Variants in SATL1 observed in about 807,000 individuals in gnomAD.
SATL1 encodes the protein spermidine/spermine N(1)-acetyltransferase-like protein 1.
Under a neutral mutation model 51.8 loss-of-function variants are expected in SATL1, and 47 were observed. That is an observed-to-expected ratio of 0.91 (90% confidence interval 0.72 to 1.16). SATL1 has a LOEUF of 1.16. Among genes scored for constraint, SATL1 ranks in the 50% most tolerant of loss-of-function variants. The pLI is 0.00. For missense variants in SATL1, 520 were observed against 526.4 expected (o/e 0.99, Z 0.12); for synonymous variants, 176 against 182.4 (o/e 0.97, Z 0.28).
chrX:85,242,842 A>T (rs769061093), intron 1 of SATL1, among the ~76,000 whole-genome samples: 1 of 112,321 alleles, frequency 8.9e-6, no homozygotes, highest in Non-Finnish European at 1.9e-5. Flanking sequence ...CTTGGAAATT[A>T]TATCTCCTCA....
intron 2 of SATL1, among the ~76,000 whole-genome samples, chrX:85,138,198 A>G (rs140599577): frequency 1.3e-3 from 151 of 112,161 alleles, no homozygotes; most frequent in African/African-American, 4.6e-3. Flanking sequence ...GCCTTTTGGC[A>G]TGCTTTGTAA....
At chrX:85,217,301 C>A (rs867210556) in intron 2 of SATL1, among the ~76,000 whole-genome samples, 2 of 110,868 alleles carry the variant, frequency 1.8e-5, no homozygotes, top group Non-Finnish European at 3.8e-5. Context: ...AAAAGCAAAG[C>A]AATATTGGTA....
chrX:85,224,346 C>A lies in SATL1; in HGVS notation c.-434-20G>T, dbSNP rs1180234450. On this transcript the variant is annotated intron_variant, in intron 1 of 7. Transcript: ENST00000644105. ...CTGTATCTTAACAGATAAGCAAGAT[C>A]TTTATTTAACTTAATCACATATTTT... The A allele has an allele frequency of 1.8e-5, 2 of 111,103 alleles. No individual in the cohort carries two copies. Among genetic ancestry groups the A allele is most frequent in the Non-Finnish European group, 3.8e-5 (2 of 53,008 alleles). 9.2% of individuals were successfully genotyped at this position (111,103 alleles called of 1,213,427 possible).
At chrX:85,227,922 C>T (rs1928307366) in intron 1 of SATL1, among the ~76,000 whole-genome samples, 1 of 110,620 alleles carries the variant, frequency 9.0e-6, no homozygotes, top group African/African-American at 3.3e-5. Context: ...CTTTTAGAGG[C>T]ATATAATAAA....
At chrX:85,196,099 G>A (rs1039482050) in intron 2 of SATL1, among the ~76,000 whole-genome samples, 15 of 108,793 alleles carry the variant, frequency 1.4e-4, no homozygotes, top group Non-Finnish European at 2.5e-4. Context: ...AAATTGAGCC[G>A]GATACAAGAT....
intron 2 of SATL1, among the ~76,000 whole-genome samples, chrX:85,187,606 G>A (rs1238161756): frequency 8.9e-6 from 1 of 111,757 alleles, no homozygotes; most frequent in Admixed American, 9.5e-5. Flanking sequence ...TTCTGTTAAT[G>A]TAATATATCA....
chrX:85,227,890 G>T (rs1868323895), intron 1 of SATL1, among the ~76,000 whole-genome samples: 1 of 111,104 alleles, frequency 9.0e-6, no homozygotes, highest in African/African-American at 3.3e-5. Context: ...TGGTGATGTG[G>T]TTATATTTTT....
chrX:85,131,633 A>G (rs1223777391), intron 2 of SATL1, among the ~76,000 whole-genome samples: 1 of 111,638 alleles, frequency 9.0e-6, no homozygotes, highest in Non-Finnish European at 1.9e-5. Context: ...TAATTGGAGC[A>G]TTTAGCCCAT....
Position 85,185,995 on chromosome X carries a change from T to C in SATL1, c.-313+38210A>G, listed in dbSNP as rs747736077. ...AAGGCCCACGGCGAGTACCACCTGG[T>C]TACCACTGCTGGTTAAAAGGATTCT... On this transcript the variant is annotated intron_variant, in intron 2 of 7. Transcript: ENST00000644105. 2.2e-4 allele frequency among the ~76,000 whole-genome samples: 24 copies of C among 110,428 alleles called. No individual in the cohort carries two copies. The South Asian group carries it at 7.1e-3, about 33-fold the overall frequency.
At chrX:85,216,600 C>A (rs1439231480) in intron 2 of SATL1, among the ~76,000 whole-genome samples, 1 of 111,597 alleles carries the variant, frequency 9.0e-6, no homozygotes, top group African/African-American at 3.3e-5. Flanking sequence ...TGCTACAGGG[C>A]CCTCTGATAG....
chrX:85,110,991 CATAG>C lies in SATL1; in HGVS notation c.-312-1715_-312-1712del, dbSNP rs768664907. On this transcript the variant is annotated intron_variant, in intron 2 of 7. Coordinates refer to ENST00000644105, the MANE Select transcript of SATL1 (RefSeq NM_001367857.2). The stretch of plus-strand genomic sequence containing the variant: ...GATTGAGAGAGGTTAAGTAACTTGA[CATAG>C]GTCACACAGCTAAAAGTCCAGACAA... Among the ~76,000 whole-genome samples, 791 of 112,846 alleles carry C rather than the reference CATAG, an allele frequency of 7.0e-3. 3 individuals carry two copies. Among genetic ancestry groups the C allele is most frequent in the South Asian group, 9.8e-3 (27 of 2,756 alleles).
Position 85,108,720 on chromosome X carries a change from A to G in SATL1, c.249T>C (p.Gly83=). Residue 83 remains glycine (G), a synonymous_variant, in exon 3 of 8, where the codon GGT becomes GGC. Coordinates refer to ENST00000644105, the MANE Select transcript of SATL1 (RefSeq NM_001367857.2). The part of the protein sequence containing the change: ...DMKQPDTWQL[G]RSQPGMLQQE... ...GTTGCAGCATGCCTGGTTGGCTCCT[A>G]CCTAATTGCCATGTGTCTGGTTGTT... 2.2e-5 allele frequency: 27 copies of G among 1,204,308 alleles called. No homozygotes were observed. The highest frequency in any genetic ancestry group is 2.9e-5 in the Non-Finnish European group (26 of 891,728).
intron 1 of SATL1, among the ~76,000 whole-genome samples, chrX:85,227,987 G>C (rs1466103848): frequency 9.0e-6 from 1 of 111,261 alleles, no homozygotes; most frequent in Non-Finnish European, 1.9e-5. Context: ...ATAATCTGGG[G>C]AGGGGAAAGA....
Position 85,146,327 on chromosome X carries a change from A to C in SATL1, c.-312-37047T>G, listed in dbSNP as rs548490721. ...TTTATTGTCCATTTAAAAATAATTA[A>C]GAGTATAATTAGATTATTGGTAACA... On this transcript the variant is annotated intron_variant, in intron 2 of 7. Transcript: ENST00000644105. Among the ~76,000 whole-genome samples, 10 of 112,006 alleles carry C rather than the reference A, an allele frequency of 8.9e-5. No individual in the cohort carries two copies. In the South Asian group the frequency reaches 1.1e-3, roughly 12 times the overall value.
intron 2 of SATL1, among the ~76,000 whole-genome samples, chrX:85,151,339 A>G (rs753974781): frequency 9.0e-6 from 1 of 111,633 alleles, no homozygotes; most frequent in South Asian, 3.8e-4. Flanking sequence ...ATGGAAGAAC[A>G]TTCCATGCTC....
intron 2 of SATL1, chrX:85,210,217 C>T (rs1194892962): frequency 9.2e-6 from 1 of 108,250 alleles, no homozygotes; most frequent in Non-Finnish European, 1.9e-5. Flanking sequence ...CCACTACCAT[C>T]GCCACTCTTT....
At chrX:85,119,686 G>T (rs1273266532) in intron 2 of SATL1, among the ~76,000 whole-genome samples, 1 of 110,791 alleles carries the variant, frequency 9.0e-6, no homozygotes. Flanking sequence ...CCTTGCATTT[G>T]ATATGTAAGT....
At position 85,108,402 on chromosome X, in the gene SATL1, A is replaced by G; in HGVS notation, c.567T>C (p.Ser189=). ...CGCCTGGTTGCCACATGCCTGGTGG[A>G]CTCATGTTTGGTTGCCTCAGGACTG... ...SQPVLRQPNM[S]PPGMWQPGVQ... Residue 189 remains serine, a synonymous_variant, in exon 3 of 8, where the codon AGT becomes AGC. Transcript: ENST00000644105. The G allele has an allele frequency of 8.3e-7, 1 of 1,206,149 alleles. No homozygotes were observed. The highest frequency in any genetic ancestry group is 1.8e-5 in the South Asian group (1 of 56,689).
intron 4 of SATL1, among the ~76,000 whole-genome samples, chrX:85,101,092 A>C (rs61667364): frequency 0.044 from 4,979 of 112,331 alleles, 244 homozygotes; most frequent in African/African-American, 0.14. Context: ...TAAACCTATA[A>C]AACTCTTAGA....
Sources: gnomAD v4.1 joint callset for allele counts (sites outside exome capture counted in the v4.1 genomes callset) on GRCh38, gnomAD v4.1.1 for gene constraint, MANE v1.5 for transcripts, NCBI Gene and HGNC (gene_info 2026-07-23, HGNC 2026-07-21) for gene names.